PRKAG2: variants seen among roughly 807,000 people sequenced by gnomAD.
PRKAG2 encodes 5'-AMP-activated protein kinase subunit gamma-2.
Under a neutral mutation model 69.6 loss-of-function variants are expected in PRKAG2, and 26 were observed. That is an observed-to-expected ratio of 0.37 (90% CI 0.27 to 0.52). The LOEUF (loss-of-function observed/expected upper bound fraction) is 0.52. Among genes scored for constraint, PRKAG2 ranks in the 20% least tolerant of loss-of-function variants. The pLI, the probability that PRKAG2 is intolerant of heterozygous loss-of-function variation, is 0.90. For missense variants in PRKAG2, 557 were observed against 740.0 expected (o/e 0.75, Z 2.87); for synonymous variants, 293 against 285.0 (o/e 1.03, Z -0.28).
chr7:151,684,588 C>T lies in PRKAG2; in HGVS notation c.467-8951G>A, dbSNP rs145988018. Among the ~76,000 whole-genome samples, 161 of 152,310 alleles carry T rather than the reference C, an allele frequency of 1.1e-3. 1 individual carries two copies. Among genetic ancestry groups the T allele is most frequent in the African/African-American group, 3.5e-3 (147 of 41,558 alleles). On this transcript the variant is annotated intron_variant, in intron 3 of 15. Transcript: ENST00000287878. ...GGCAGCTGCCATTGATAGCAGGTGA[C>T]GTCTCCGGGAGAAGACCCTGCTGGT...
At chr7:151,737,609 G>A (rs2073536262) in intron 3 of PRKAG2, among the ~76,000 whole-genome samples, 1 of 152,160 alleles carries the variant, frequency 6.6e-6, no homozygotes, top group African/African-American at 2.4e-5. Flanking sequence ...GTGTGGGGTG[G>A]AAGCGCCCCA....
chr7:151,632,450 G>A lies in PRKAG2; in HGVS notation c.685-312C>T, dbSNP rs945689003. On this transcript the variant is annotated intron_variant, in intron 4 of 15. Coordinates refer to ENST00000287878, the MANE Select transcript of PRKAG2 (RefSeq NM_016203.4). The surrounding 1 kb of genome is among the most constrained non-coding windows in gnomAD (Gnocchi z 4.2). ...AGCGTGGGAAGGGACCCGGGAGCTC[G>A]AGGGCGGCAGCGCCTGGGCCCGGGG... 1.1e-5 allele frequency: 7 copies of A among 631,814 alleles called. No homozygotes were observed. Among genetic ancestry groups the A allele is most frequent in the South Asian group, 1.4e-4 (2 of 14,360 alleles). The allele number at this position is 631,814 out of a possible 1,614,324, so 39.1% of individuals were successfully genotyped here.
chr7:151,748,886 G>A (rs988712219), intron 3 of PRKAG2, among the ~76,000 whole-genome samples: 2 of 151,514 alleles, frequency 1.3e-5, no homozygotes, highest in Non-Finnish European at 2.9e-5. Flanking sequence ...GATGAGCTGG[G>A]CACTTTCACC....
intron 1 of PRKAG2, among the ~76,000 whole-genome samples, chr7:151,841,764 G>C (rs1157223942): frequency 6.8e-6 from 1 of 147,476 alleles, no homozygotes; most frequent in Non-Finnish European, 1.5e-5. Context: ...TAATGGTAGT[G>C]ATGGTAGGTA....
At chr7:151,863,250 G>C (rs2079981740) in intron 1 of PRKAG2, among the ~76,000 whole-genome samples, 1 of 151,818 alleles carries the variant, frequency 6.6e-6, no homozygotes, top group Admixed American at 6.6e-5. Context: ...AGGGGGCACT[G>C]GTAAGTCCCC....
chr7:151,705,346 C>T (rs912387408), intron 3 of PRKAG2, among the ~76,000 whole-genome samples: 6 of 152,120 alleles, frequency 3.9e-5, no homozygotes, highest in African/African-American at 1.2e-4. Context: ...TTTTCTCAAT[C>T]GGGTTGTAAA....
At chr7:151,600,549 C>A (rs1298235377) in intron 5 of PRKAG2, among the ~76,000 whole-genome samples, 1 of 152,214 alleles carries the variant, frequency 6.6e-6, no homozygotes, top group African/African-American at 2.4e-5. Flanking sequence ...ACTGCAACTG[C>A]CTCCTGGATA....
intron 5 of PRKAG2, among the ~76,000 whole-genome samples, chr7:151,608,094 G>A (rs1267788355): frequency 1.3e-5 from 2 of 152,112 alleles, no homozygotes; most frequent in Admixed American, 6.6e-5. Flanking sequence ...CTGGGGCGAC[G>A]CAGCGACAAG....
chr7:151,572,453 C>A (rs910013947), intron 9 of PRKAG2: 4 of 436,486 alleles, frequency 9.2e-6, no homozygotes, highest in Admixed American at 3.9e-5. Context: ...CTGAAGGTGT[C>A]CTATACATGT....
chr7:151,764,185 T>A (rs113514022), intron 3 of PRKAG2, among the ~76,000 whole-genome samples: 8 of 152,078 alleles, frequency 5.3e-5, no homozygotes, highest in African/African-American at 1.9e-4. Context: ...GGGAATGACA[T>A]AATAAAAGTG....
At chr7:151,750,155 C>A (rs1208967085) in intron 3 of PRKAG2, among the ~76,000 whole-genome samples, 2 of 149,452 alleles carry the variant, frequency 1.3e-5, no homozygotes, top group Non-Finnish European at 3.0e-5. Context: ...GAAACTGGAA[C>A]CTTCATACAT....
intron 3 of PRKAG2, among the ~76,000 whole-genome samples, chr7:151,695,733 T>G (rs1836506960): frequency 6.6e-6 from 1 of 152,200 alleles, no homozygotes. Flanking sequence ...AGGGTGGCGT[T>G]GCTTCCAAGG....
chr7:151,582,074 C>T (rs143132958), intron 6 of PRKAG2, among the ~76,000 whole-genome samples: 65 of 152,286 alleles, frequency 4.3e-4, no homozygotes, highest in African/African-American at 1.2e-3. Flanking sequence ...ACTGATGCTG[C>T]GTGGTCAATG....
chr7:151,587,403 C>T (rs948491513), intron 6 of PRKAG2, among the ~76,000 whole-genome samples: 4 of 152,134 alleles, frequency 2.6e-5, no homozygotes, highest in Admixed American at 6.5e-5. Context: ...GGAGGTGAAG[C>T]GTCACTCCCC....
intron 5 of PRKAG2, among the ~76,000 whole-genome samples, chr7:151,619,928 G>A (rs910908088): frequency 1.3e-5 from 2 of 152,218 alleles, no homozygotes; most frequent in African/African-American, 4.8e-5. Flanking sequence ...GGCTGAGGCA[G>A]GAGAATCACT....
At chr7:151,758,805 TAAAA>T (rs763413212) in intron 3 of PRKAG2, among the ~76,000 whole-genome samples, 30 of 152,200 alleles carry the variant, frequency 2.0e-4, no homozygotes, top group Non-Finnish European at 3.1e-4. Context: ...CAAAGAGACT[TAAAA>T]TAACAGCTAT....
At chr7:151,796,686 AG>A (rs1292120392) in intron 1 of PRKAG2, among the ~76,000 whole-genome samples, 1 of 152,076 alleles carries the variant, frequency 6.6e-6, no homozygotes, top group Admixed American at 6.5e-5. Context: ...GGCTCCTCCC[AG>A]GGCTGGATTC....
At chr7:151,657,381 A>C in intron 4 of PRKAG2, among the ~76,000 whole-genome samples, 1 of 152,090 alleles carries the variant, frequency 6.6e-6, no homozygotes, top group Middle Eastern at 3.2e-3. Context: ...GTCAGTCTCT[A>C]AGCCTCGTGC....
chr7:151,838,321 C>T (rs372406888), intron 1 of PRKAG2, among the ~76,000 whole-genome samples: 9 of 152,182 alleles, frequency 5.9e-5, no homozygotes, highest in African/African-American at 9.6e-5. Flanking sequence ...CTGCCAGGCT[C>T]GGCCCCACAG....
Sources: gnomAD v4.1 joint callset for allele counts (sites outside exome capture counted in the v4.1 genomes callset) on GRCh38, gnomAD v4.1.1 for gene constraint, Gnocchi (gnomAD v3.1) non-coding constraint, MANE v1.5 for transcripts, NCBI Gene and HGNC (gene_info 2026-07-23, HGNC 2026-07-21) for gene names.